The following CUL3 variants were observed in gnomAD, a reference collection of about 807,000 sequenced individuals.
The protein encoded by CUL3 is cullin-3.
CUL3 carries 19 observed loss-of-function variants against 89.1 expected under a neutral mutation model. The ratio of observed to expected loss-of-function variants is 0.21; its 90% CI spans 0.15 to 0.31. CUL3 has a LOEUF of 0.31. CUL3 is among the 10% of genes least tolerant of loss of function. The pLI is 1.00. For synonymous variants in CUL3, 351 were observed against 308.4 expected, an observed-to-expected ratio of 1.14 and a Z score of -1.45; for missense variants, 469 against 942.3, an observed-to-expected ratio of 0.50 and a Z score of 6.58.
intron 2 of CUL3, among the ~76,000 whole-genome samples, chr2:224,542,556 C>CGTGTGT (rs35806786): frequency 7.8e-4 from 118 of 150,488 alleles, no homozygotes; most frequent in Middle Eastern, 6.8e-3. Flanking sequence ...TGTGCGTGTG[C>CGTGTGT]GTGTGTGTGT....
intron 3 of CUL3, among the ~76,000 whole-genome samples, chr2:224,523,086 T>C (rs1287005402): frequency 6.6e-6 from 1 of 152,106 alleles, no homozygotes; most frequent in African/African-American, 2.4e-5. Context: ...GAGCAATGAA[T>C]TTATAAGACT....
At chr2:224,583,318 G>A (rs191671204) in intron 1 of CUL3, among the ~76,000 whole-genome samples, 1 of 152,164 alleles carries the variant, frequency 6.6e-6, no homozygotes, top group Admixed American at 6.5e-5. Context: ...CTGAGATCAC[G>A]CCATTGTACT....
At chr2:224,542,493 TTTTGTG>T (rs1273010683) in intron 2 of CUL3, among the ~76,000 whole-genome samples, 1 of 115,016 alleles carries the variant, frequency 8.7e-6, no homozygotes, top group African/African-American at 4.5e-5. Flanking sequence ...ACTTCTGGCT[TTTTGTG>T]TGTGTGTGTG....
At chr2:224,529,686 A>C (rs1693618108) in intron 3 of CUL3, among the ~76,000 whole-genome samples, 1 of 152,142 alleles carries the variant, frequency 6.6e-6, no homozygotes, top group African/African-American at 2.4e-5. Context: ...TAATGCTTTC[A>C]GGAGCCAAAC....
chr2:224,561,549 A>C (rs1694902170), intron 1 of CUL3, among the ~76,000 whole-genome samples: 1 of 152,148 alleles, frequency 6.6e-6, no homozygotes, highest in South Asian at 2.1e-4. Context: ...TGTTATTCTG[A>C]TCTTTTCTGA....
chr2:224,555,372 T>A (rs2106300207), intron 2 of CUL3, among the ~76,000 whole-genome samples: 1 of 152,284 alleles, frequency 6.6e-6, no homozygotes, highest in East Asian at 1.9e-4. Flanking sequence ...CCTATCACTT[T>A]ACCCAGATCT....
At chr2:224,482,509 C>A (rs1336285552) in intron 13 of CUL3, among the ~76,000 whole-genome samples, 1 of 151,960 alleles carries the variant, frequency 6.6e-6, no homozygotes, top group Non-Finnish European at 1.5e-5. Context: ...GGAAGGTAAG[C>A]CTGAGCTCAG....
chr2:224,528,832 C>CACCTTTGCTGCAAAT (rs1693580343), intron 3 of CUL3, among the ~76,000 whole-genome samples: 1 of 151,972 alleles, frequency 6.6e-6, no homozygotes. Context: ...ATTTGCAGAA[C>CACCTTTGCTGCAAAT]ACCTTTGCTG....
chr2:224,511,856 A>G (rs1335552491), intron 5 of CUL3, among the ~76,000 whole-genome samples: 2 of 152,210 alleles, frequency 1.3e-5, no homozygotes, highest in Admixed American at 6.5e-5. Context: ...GAACAAGTAT[A>G]TACACGCCAG....
chr2:224,511,226 A>G, intron 6 of CUL3, 128 bp downstream of exon 6: 1 of 618,518 alleles, frequency 1.6e-6, no homozygotes, highest in Non-Finnish European at 2.8e-6. Flanking sequence ...TTAACAATGG[A>G]GACAAATTAA....
At chr2:224,580,311 G>A (rs1695403029) in intron 1 of CUL3, among the ~76,000 whole-genome samples, 1 of 152,206 alleles carries the variant, frequency 6.6e-6, no homozygotes, top group Non-Finnish European at 1.5e-5. Context: ...CTAGGAAAAG[G>A]TCTATTTAAA....
intron 1 of CUL3, among the ~76,000 whole-genome samples, chr2:224,567,335 A>G (rs1217814401): frequency 6.6e-6 from 1 of 152,172 alleles, no homozygotes; most frequent in Admixed American, 6.5e-5. Context: ...CTTCCGTCTC[A>G]GCCTCCTGAG....
intron 1 of CUL3, among the ~76,000 whole-genome samples, chr2:224,583,257 A>T (rs1443699946): frequency 6.6e-6 from 1 of 152,166 alleles, no homozygotes; most frequent in African/African-American, 2.4e-5. Context: ...CATGCCTGTA[A>T]TCCCAGCTAC....
At chr2:224,482,808 T>C (rs1434643022) in intron 13 of CUL3, among the ~76,000 whole-genome samples, 1 of 152,216 alleles carries the variant, frequency 6.6e-6, no homozygotes, top group African/African-American at 2.4e-5. Flanking sequence ...AGTTATATGA[T>C]TTAGTCTCTA....
chr2:224,567,606 G>A lies in CUL3; in HGVS notation c.67-9750C>T, dbSNP rs541534780. On this transcript the variant is annotated intron_variant, in intron 1 of 15. Transcript: ENST00000264414. ...TACAAAAAAATTAGCCGGGTGTGGT[G>A]GTGGGCGCCTGTCGTCCCAGCTACT... Among the ~76,000 whole-genome samples, 3 of 152,132 alleles carry A rather than the reference G, an allele frequency of 2.0e-5. No homozygotes were observed. The East Asian group carries it at 5.8e-4, about 29-fold the overall frequency.
At chr2:224,545,958 CT>C (rs1694276713) in intron 2 of CUL3, among the ~76,000 whole-genome samples, 1 of 152,120 alleles carries the variant, frequency 6.6e-6, no homozygotes, top group South Asian at 2.1e-4. Flanking sequence ...TTCAAATATG[CT>C]TTTAAACTGG....
chr2:224,472,497 C>A lies in CUL3; in HGVS notation c.*1748G>T, dbSNP rs911523534. On this transcript the variant is annotated 3_prime_UTR_variant, in exon 16 of 16. Coordinates refer to ENST00000264414, the MANE Select transcript of CUL3 (RefSeq NM_003590.5). Reference sequence around the variant, plus strand: ...CATTATAGAAAATTTCCAATTATGTCAAAATCAGAAGGTGAAACCCTTAGC... The same window carrying A: ...CATTATAGAAAATTTCCAATTATGTAAAAATCAGAAGGTGAAACCCTTAGC... 7 of 190,046 alleles carry A rather than the reference C, an allele frequency of 3.7e-5. No homozygotes were observed. Among genetic ancestry groups the A allele is most frequent in the Non-Finnish European group, 6.6e-5 (6 of 90,706 alleles). 11.8% of individuals were successfully genotyped at this position (190,046 alleles called of 1,614,324 possible).
rs773659113 is a variant in CUL3 at position 224,472,856 on chromosome 2, T to C, written c.*1389A>G. 13 of 210,700 alleles carry C rather than the reference T, an allele frequency of 6.2e-5. No individual in the cohort carries two copies. The highest frequency in any genetic ancestry group is 1.3e-4 in the Non-Finnish European group (13 of 103,500). 13.1% of individuals were successfully genotyped at this position (210,700 alleles called of 1,614,324 possible). ...TGAGACATACATTCTAATAAATGTA[T>C]CAACAGTACTGATAGTCAACGAAGG... On this transcript the variant is annotated 3_prime_UTR_variant, in exon 16 of 16. Transcript: ENST00000264414.
chr2:224,497,766 C>A lies in CUL3; in HGVS notation c.1694G>T (p.Gly565Val). 6.2e-7 allele frequency: 1 copy of A among 1,612,714 alleles called. No homozygotes were observed. The highest frequency in any genetic ancestry group is 1.1e-5 in the South Asian group (1 of 91,020). The change falls in exon 12 of 16, where the codon GGA becomes GTA. Residue 565 changes from glycine to valine, a missense_variant. Coordinates refer to ENST00000264414, the MANE Select transcript of CUL3 (RefSeq NM_003590.5). ...ATCAATATTTACCTTTTTAACTGGT[C>A]CATAAAATGTGGCATTGAGATCTGC... Reference protein sequence around the residue: ...GSADLNATFYGPVKKEDGSEV... With the variant: ...GSADLNATFYVPVKKEDGSEV...
Sources: gnomAD v4.1 joint callset for allele counts (sites outside exome capture counted in the v4.1 genomes callset) on GRCh38, gnomAD v4.1.1 for gene constraint, MANE v1.5 for transcripts, NCBI Gene and HGNC (gene_info 2026-07-23, HGNC 2026-07-21) for gene names.